Variants in OLFM1 observed in about 807,000 individuals in gnomAD.
OLFM1 encodes olfactomedin 1.
OLFM1 carries 9 observed loss-of-function variants against 49.7 expected under a neutral mutation model. That is an observed-to-expected ratio of 0.18 (90% CI 0.11 to 0.32). OLFM1 has a LOEUF of 0.32. Ranked by LOEUF, OLFM1 falls within the 10% of genes least tolerant of loss-of-function variation. The probability of loss-of-function intolerance (pLI) is 1.00; values close to 1 mark genes in which losing one functional copy is unlikely to be tolerated. For missense variants in OLFM1, 369 were observed against 661.8 expected (o/e 0.56, Z 4.85); for synonymous variants, 240 against 271.8 (o/e 0.88, Z 1.15).
At chr9:135,086,332 T>G (rs1187421376), upstream of OLFM1, among the ~76,000 whole-genome samples, 2 of 152,204 alleles carry the variant, frequency 1.3e-5, no homozygotes, top group African/African-American at 4.8e-5. Context: ...TCTGAGGGGC[T>G]CATTTAACTA....
chr9:135,077,013 G>T, intron 1 of OLFM1: 3 of 1,550,568 alleles, frequency 1.9e-6, no homozygotes, highest in Non-Finnish European at 2.6e-6. Context: ...CCCTTCTCCT[G>T]GTGCTGCCCA....
chr9:135,090,769 G>T (rs577872697), intron 2 of OLFM1, among the ~76,000 whole-genome samples: 2 of 152,082 alleles, frequency 1.3e-5, no homozygotes, highest in Non-Finnish European at 2.9e-5. Flanking sequence ...CTTGGAGAGC[G>T]CCCATAGGCC....
intron 1 of OLFM1, among the ~76,000 whole-genome samples, chr9:135,081,789 G>T (rs1830536003): frequency 1.3e-5 from 2 of 152,192 alleles, no homozygotes; most frequent in Admixed American, 1.3e-4. Flanking sequence ...CAAGAAGTAA[G>T]AAATAGGATC....
chr9:135,096,703 A>T (rs1342839562), intron 3 of OLFM1, among the ~76,000 whole-genome samples: 14 of 152,226 alleles, frequency 9.2e-5, no homozygotes, highest in Admixed American at 9.2e-4. Context: ...AAATCACATT[A>T]GCCAAAGATT....
chr9:135,087,546 G>A (rs2119096534), upstream of OLFM1: 1 of 1,229,786 alleles, frequency 8.1e-7, no homozygotes, highest in African/African-American at 1.6e-5. Flanking sequence ...CAGCAGCCAG[G>A]GGGCGGCGGG....
At chr9:135,118,062 C>G (rs1399931709) in intron 5 of OLFM1, among the ~76,000 whole-genome samples, 1 of 152,230 alleles carries the variant, frequency 6.6e-6, no homozygotes, top group Non-Finnish European at 1.5e-5. Context: ...GAGGACATGG[C>G]ACCCTTTGGT....
intron 2 of OLFM1, among the ~76,000 whole-genome samples, chr9:135,095,607 A>G (rs62573445): frequency 1.6e-3 from 248 of 151,984 alleles, no homozygotes; most frequent in Middle Eastern, 6.8e-3. Context: ...TGAGTCTCCT[A>G]CACCCCTGAT....
Position 135,098,034 on chromosome 9 carries a change from C to A in OLFM1, c.457-252C>A. 7.1e-7 allele frequency: 1 copy of A among 1,418,030 alleles called. No homozygotes were observed. The highest frequency in any genetic ancestry group is 9.1e-7 in the Non-Finnish European group (1 of 1,093,922). 87.8% of individuals were successfully genotyped at this position (1,418,030 alleles called of 1,614,324 possible). A position where few individuals can be genotyped will look rare whatever the true frequency, so the allele number is the denominator to read the frequency against. ...TGAAAAAGAAAGAAAAAAAAAACTTCGTGTATGTGACTCAAAGCATGTAAC... is the reference window on the plus strand; with the variant it reads ...TGAAAAAGAAAGAAAAAAAAAACTTAGTGTATGTGACTCAAAGCATGTAAC... On this transcript the variant is annotated intron_variant, in intron 3 of 5. Transcript: ENST00000371793. This position sits in a 1 kb window ranked among gnomAD's most constrained non-coding sequence, Gnocchi z 5.6.
At chr9:135,119,292 A>AAATG (rs1831151572) in intron 5 of OLFM1, among the ~76,000 whole-genome samples, 1 of 117,682 alleles carries the variant, frequency 8.5e-6, no homozygotes, top group African/African-American at 3.6e-5. Flanking sequence ...TCTTTGGAGT[A>AAATG]CTCACTGGGT....
chr9:135,077,221 T>G, intron 1 of OLFM1: 3 of 1,506,880 alleles, frequency 2.0e-6, no homozygotes, highest in Non-Finnish European at 2.7e-6. Context: ...AGGTCCTGAT[T>G]AGTGGCAAGC....
intron 4 of OLFM1, among the ~76,000 whole-genome samples, chr9:135,102,094 C>T (rs969139620): frequency 2.0e-5 from 3 of 152,324 alleles, no homozygotes; most frequent in Admixed American, 6.5e-5. Context: ...CCCTGTCAGC[C>T]GCTGGGAGCT....
chr9:135,120,666 A>AT lies in OLFM1; in HGVS notation c.*490dup, dbSNP rs1252501235. On this transcript the variant is annotated 3_prime_UTR_variant, in exon 6 of 6. Transcript: ENST00000371793. ...TCTTGACTGTGTTGCTGTCTCTTAG[A>AT]TTAACCGTGCTGAGGCTCCACATAG... The AT allele has an allele frequency of 5.7e-6, 1 of 176,100 alleles. No homozygotes were observed. Among genetic ancestry groups the AT allele is most frequent in the Non-Finnish European group, 1.2e-5 (1 of 83,188 alleles). The allele number at this position is 176,100 out of a possible 1,614,324, so 10.9% of individuals were successfully genotyped here.
At chr9:135,114,486 C>A (rs1190422771) in intron 5 of OLFM1, among the ~76,000 whole-genome samples, 1 of 152,070 alleles carries the variant, frequency 6.6e-6, no homozygotes, top group Non-Finnish European at 1.5e-5. Context: ...AGGATGTGGA[C>A]CTATCTTCTG....
chr9:135,114,042 T>C (rs531099014), intron 5 of OLFM1, among the ~76,000 whole-genome samples: 127 of 150,670 alleles, frequency 8.4e-4, no homozygotes, highest in Non-Finnish European at 1.6e-3. Flanking sequence ...TGTGTCTGTG[T>C]CCCCTCTTCT....
intron 5 of OLFM1, among the ~76,000 whole-genome samples, chr9:135,116,002 C>T (rs904016443): frequency 2.6e-5 from 4 of 152,260 alleles, no homozygotes; most frequent in East Asian, 1.9e-4. Context: ...AGGTCCTGCC[C>T]GGAGGCGCAA....
intron 2 of OLFM1, 107 bp downstream of exon 2, chr9:135,090,451 G>A: frequency 5.9e-6 from 7 of 1,181,218 alleles, no homozygotes; most frequent in Non-Finnish European, 8.3e-6. Context: ...TGGCTAGCTT[G>A]CAGGCCCCAT....
intron 1 of OLFM1, 83 bp from the exon 2 acceptor site, chr9:135,090,112 C>G: frequency 3.1e-6 from 4 of 1,302,314 alleles, no homozygotes; most frequent in Non-Finnish European, 3.2e-6. Context: ...TGGACAGTTT[C>G]CCCTGGTTGT....
At chr9:135,091,155 C>T (rs1397809502) in intron 2 of OLFM1, among the ~76,000 whole-genome samples, 1 of 152,228 alleles carries the variant, frequency 6.6e-6, no homozygotes, top group African/African-American at 2.4e-5. Flanking sequence ...GGTTCAGTCT[C>T]CTCCACTCCC....
At chr9:135,090,466 ACT>A (rs1176776695) in intron 2 of OLFM1, 122 bp downstream of exon 2, 30 of 993,510 alleles carry the variant, frequency 3.0e-5, no homozygotes, top group Admixed American at 2.3e-4. Flanking sequence ...CCCCATTTTG[ACT>A]CTTTCCTGGT....
Sources: allele counts gnomAD v4.1 joint callset (sites outside exome capture counted in the v4.1 genomes callset), GRCh38; gene constraint gnomAD v4.1.1; non-coding constraint Gnocchi (gnomAD v3.1); transcripts MANE v1.5; gene names NCBI Gene and HGNC (gene_info 2026-07-23, HGNC 2026-07-21).